The following RNMT variants were observed in gnomAD, a reference collection of about 807,000 sequenced individuals.
RNMT encodes the protein mRNA cap guanine-N(7) methyltransferase.
A neutral mutation model predicts 56.0 loss-of-function variants in RNMT; 27 were observed. The observed-to-expected ratio is 0.48, with a 90% CI of 0.36 to 0.67. The LOEUF (loss-of-function observed/expected upper bound fraction) is 0.67, where lower values mean the gene tolerates loss of function less well. Ranked by LOEUF, RNMT falls within the 30% of genes least tolerant of loss-of-function variation. RNMT has a pLI of 0.00. For missense variants in RNMT, 519 were observed against 552.1 expected, an observed-to-expected ratio of 0.94 and a Z score of 0.60; for synonymous variants, 184 against 176.2, an observed-to-expected ratio of 1.04 and a Z score of -0.35.
At chr18:13,753,816 T>TACACACACACACACACACACAC (rs3138630) in intron 10 of RNMT, among the ~76,000 whole-genome samples, 16 of 144,498 alleles carry the variant, frequency 1.1e-4, no homozygotes, top group South Asian at 2.2e-4. Context: ...ATTTTCCAGT[T>TACACACACACACACACACACAC]ACACACACAC....
intron 1 of RNMT, among the ~76,000 whole-genome samples, chr18:13,727,557 C>A (rs189184102): frequency 6.6e-6 from 1 of 152,150 alleles, no homozygotes. Context: ...TAAATCAGGG[C>A]AATTGGGATA....
chr18:13,742,336 T>TAA, intron 7 of RNMT, 152 bp from the exon 8 acceptor site: 5 of 667,100 alleles, frequency 7.5e-6, no homozygotes, highest in South Asian at 2.0e-5. Flanking sequence ...CCTTGTCACT[T>TAA]TAAAAAAAAA....
At chr18:13,758,132 A>G (rs2044573172) in intron 11 of RNMT, among the ~76,000 whole-genome samples, 2 of 152,198 alleles carry the variant, frequency 1.3e-5, no homozygotes, top group African/African-American at 2.4e-5. Context: ...GCTTTGTTCC[A>G]TTTATAGAGC....
chr18:13,729,054 A>G (rs528375163), intron 1 of RNMT, among the ~76,000 whole-genome samples: 3 of 152,214 alleles, frequency 2.0e-5, no homozygotes, highest in Admixed American at 6.5e-5. Flanking sequence ...TGCCCAGACC[A>G]GTGTCTTGAA....
In RNMT at chr18:13,731,739, GA is replaced by G. The variant is rs2044073482; in HGVS notation, c.225del (p.Asp76ThrfsTer54). On this transcript the variant is annotated frameshift_variant, in exon 3 of 12. Coordinates refer to ENST00000383314, the MANE Select transcript of RNMT (RefSeq NM_003799.3). LOFTEE classifies it high-confidence loss of function. ...DLVKESSSCG[K>X]DTPSKKRKLD... ...TTGTAAAGGAAAGTTCTAGTTGTGG[GA>G]AAGACACTCCATCCAAGAAGAGAAA... The G allele has an allele frequency of 6.2e-7, 1 of 1,612,918 alleles. No homozygotes were observed. The highest frequency in any genetic ancestry group is 8.5e-7 in the Non-Finnish European group (1 of 1,179,808).
intron 4 of RNMT, among the ~76,000 whole-genome samples, chr18:13,736,293 C>G (rs1318742558): frequency 6.6e-6 from 1 of 152,138 alleles, no homozygotes. Flanking sequence ...GAGAATGTAT[C>G]TAGGATTCAG....
Position 13,761,615 on chromosome 18 carries a change from A to T in RNMT, c.*1636A>T. On this transcript the variant is annotated 3_prime_UTR_variant, in exon 12 of 12. Coordinates refer to ENST00000383314, the MANE Select transcript of RNMT (RefSeq NM_003799.3). ...CCAAACGATGGAGTAGCCAGTGGTA[A>T]TACAAAGCAGGGAGAACAGAAAGGT... The T allele has an allele frequency of 1.0e-6, 1 of 999,290 alleles. No homozygotes were observed. Among genetic ancestry groups the T allele is most frequent in the Non-Finnish European group, 1.2e-6 (1 of 838,042 alleles). 61.9% of individuals were successfully genotyped at this position (999,290 alleles called of 1,614,324 possible).
chr18:13,734,890 C>A (rs953873588), intron 4 of RNMT, among the ~76,000 whole-genome samples: 1 of 152,080 alleles, frequency 6.6e-6, no homozygotes. Context: ...GTTAAACATT[C>A]AGGTTTCATT....
In RNMT at chr18:13,764,181, G is replaced by A. The variant is rs1216584963; in HGVS notation, c.*4202G>A. ...GAGAGCAAAGGAGACATTTTTTTCA[G>A]TTTTGAGTCGAGTATCCAGACAGAG... On this transcript the variant is annotated 3_prime_UTR_variant, in exon 12 of 12. Coordinates refer to ENST00000383314, the MANE Select transcript of RNMT (RefSeq NM_003799.3). 6.6e-6 allele frequency: 1 copy of A among 152,154 alleles called. No individual in the cohort carries two copies. The highest frequency in any genetic ancestry group is 1.5e-5 in the Non-Finnish European group (1 of 68,028). The allele number at this position is 152,154 out of a possible 1,614,324, so 9.4% of individuals were successfully genotyped here. A position where few individuals can be genotyped will look rare whatever the true frequency, so the allele number is the denominator to read the frequency against.
At chr18:13,728,293 TCAG>T (rs1257795455) in intron 1 of RNMT, among the ~76,000 whole-genome samples, 1 of 142,008 alleles carries the variant, frequency 7.0e-6, no homozygotes, top group Admixed American at 7.0e-5. Flanking sequence ...TGCATCCTCA[TCAG>T]CATCTTTTTT....
At chr18:13,738,626 G>C (rs944536558) in intron 5 of RNMT, among the ~76,000 whole-genome samples, 1 of 152,096 alleles carries the variant, frequency 6.6e-6, no homozygotes, top group African/African-American at 2.4e-5. Flanking sequence ...ATAGTACTTG[G>C]AAAATACTGT....
At chr18:13,738,012 A>G (rs971649205) in intron 5 of RNMT, among the ~76,000 whole-genome samples, 2 of 152,188 alleles carry the variant, frequency 1.3e-5, no homozygotes, top group Admixed American at 1.3e-4. Flanking sequence ...TGAATCAATC[A>G]ATCAATCACC....
intron 9 of RNMT, among the ~76,000 whole-genome samples, chr18:13,748,052 A>G (rs1339754187): frequency 6.6e-6 from 1 of 152,196 alleles, no homozygotes; most frequent in Non-Finnish European, 1.5e-5. Flanking sequence ...ATTTTATGGC[A>G]TGTTATTTCA....
chr18:13,759,126 T>G (rs894803022), intron 11 of RNMT, among the ~76,000 whole-genome samples: 1 of 152,170 alleles, frequency 6.6e-6, no homozygotes. Context: ...ATGGAAAAGT[T>G]TGAAATAATG....
Position 13,763,248 on chromosome 18 carries a change from A to G in RNMT, c.*3269A>G. The G allele has an allele frequency of 4.7e-6, 2 of 427,130 alleles. No homozygotes were observed. The highest frequency in any genetic ancestry group is 4.7e-6 in the Non-Finnish European group (1 of 211,734). The allele number at this position is 427,130 out of a possible 1,614,324, so 26.5% of individuals were successfully genotyped here. A position where few individuals can be genotyped will look rare whatever the true frequency, so the allele number is the denominator to read the frequency against. On this transcript the variant is annotated 3_prime_UTR_variant, in exon 12 of 12. Coordinates refer to ENST00000383314, the MANE Select transcript of RNMT (RefSeq NM_003799.3). ...CAACATTCCTAATTCTTTGAAGGCA[A>G]CCAGTGCAAAGGCTACTACACTTGT...
At chr18:13,726,987 C>T (rs770722759) in intron 1 of RNMT, 11 of 152,292 alleles carry the variant, frequency 7.2e-5, no homozygotes, top group African/African-American at 2.4e-4. Context: ...AAGAGCTGCT[C>T]CAGCTCGCGC....
chr18:13,735,500 C>CTTTTTT, intron 4 of RNMT, among the ~76,000 whole-genome samples: 1 of 138,256 alleles, frequency 7.2e-6, no homozygotes, highest in East Asian at 2.1e-4. Flanking sequence ...TGAGTGTTCA[C>CTTTTTT]TTTTTTTTTT....
Position 13,742,511 on chromosome 18 carries a change from CAG to C in RNMT, c.1000_1001del (p.Glu334IlefsTer5). 1.2e-6 allele frequency: 2 copies of C among 1,611,864 alleles called. No homozygotes were observed. Among genetic ancestry groups the C allele is most frequent in the Non-Finnish European group, 1.7e-6 (2 of 1,179,416 alleles). On this transcript the variant is annotated frameshift_variant, in exon 8 of 12. Transcript: ENST00000383314. LOFTEE classifies it high-confidence loss of function. The stretch of plus-strand genomic sequence containing the variant: ...AGAAGACGCCTTGAAGCTTCAGAAA[CAG>C]AATCATTTGGAAATGAAATATATAC...
chr18:13,746,983 A>G (rs764672097), intron 9 of RNMT, among the ~76,000 whole-genome samples: 1 of 152,216 alleles, frequency 6.6e-6, no homozygotes, highest in Non-Finnish European at 1.5e-5. Context: ...TCAATTACAC[A>G]GCCATTGATT....
Sources: gnomAD v4.1 joint callset for allele counts (sites outside exome capture counted in the v4.1 genomes callset) on GRCh38, gnomAD v4.1.1 for gene constraint, MANE v1.5 for transcripts, NCBI Gene and HGNC (gene_info 2026-07-23, HGNC 2026-07-21) for gene names.